The following CDIN1 variants were observed in gnomAD, a reference collection of about 807,000 sequenced individuals.
The protein encoded by CDIN1 is CDAN1 interacting nuclease 1, also known as CDAN1-interacting nuclease 1.
CDIN1 carries 33 observed loss-of-function variants against 45.3 expected under a neutral mutation model. That is an observed-to-expected ratio of 0.73 (90% CI 0.55 to 0.97). The LOEUF (loss-of-function observed/expected upper bound fraction) is 0.97. Ranked by LOEUF, CDIN1 falls within the 50% of genes least tolerant of loss-of-function variation. The pLI, the probability that CDIN1 is intolerant of heterozygous loss-of-function variation, is 0.00. For synonymous variants in CDIN1, 118 were observed against 124.4 expected (o/e 0.95, Z 0.34); for missense variants, 303 against 339.4 (o/e 0.89, Z 0.84).
At chr15:36,701,279 A>G (rs534465926) in intron 8 of CDIN1, among the ~76,000 whole-genome samples, 1 of 152,158 alleles carries the variant, frequency 6.6e-6, no homozygotes, top group Admixed American at 6.5e-5. Flanking sequence ...AAGCATTGTG[A>G]TCATCCCATT....
chr15:36,652,064 C>T (rs1029880982), intron 3 of CDIN1, among the ~76,000 whole-genome samples: 2 of 152,198 alleles, frequency 1.3e-5, no homozygotes, highest in African/African-American at 2.4e-5. Context: ...CAGCTCTCAC[C>T]ATGGCATGCT....
At chr15:36,726,475 C>T (rs992340217) in intron 10 of CDIN1, among the ~76,000 whole-genome samples, 1 of 152,148 alleles carries the variant, frequency 6.6e-6, no homozygotes, top group Non-Finnish European at 1.5e-5. Context: ...GTGGCCACCC[C>T]CACACACCTT....
At chr15:36,642,278 A>T (rs1405643148) in intron 1 of CDIN1, among the ~76,000 whole-genome samples, 8 of 152,218 alleles carry the variant, frequency 5.3e-5, no homozygotes, top group Admixed American at 5.2e-4. Context: ...CACATACAGA[A>T]ACAGATAGTT....
At chr15:36,746,685 A>ACACACACACACC (rs1322928410) in intron 10 of CDIN1, among the ~76,000 whole-genome samples, 1 of 150,392 alleles carries the variant, frequency 6.6e-6, no homozygotes, top group Non-Finnish European at 1.5e-5. Flanking sequence ...ACACACACAC[A>ACACACACACACC]CACACACACA....
At chr15:36,771,854 G>A (rs1177943325) in intron 10 of CDIN1, among the ~76,000 whole-genome samples, 1 of 151,908 alleles carries the variant, frequency 6.6e-6, no homozygotes, top group East Asian at 1.9e-4. Flanking sequence ...CTTGAACCAG[G>A]GAGGCGGAGG....
Position 36,808,573 on chromosome 15 carries a change from C to G in CDIN1, c.*120C>G, listed in dbSNP as rs774728959. 3 of 1,300,326 alleles carry G rather than the reference C, an allele frequency of 2.3e-6. No individual in the cohort carries two copies. Among genetic ancestry groups the G allele is most frequent in the Non-Finnish European group, 3.2e-6 (3 of 944,926 alleles). The allele number at this position is 1,300,326 out of a possible 1,614,324, so 80.5% of individuals were successfully genotyped here. A position where few individuals can be genotyped will look rare whatever the true frequency, so the allele number is the denominator to read the frequency against. ...GAACTTCAGCTGAACTCTTGCTGCCCGTAGTCACACCACTACCTCTTTAGA... is the reference window on the plus strand; with the variant it reads ...GAACTTCAGCTGAACTCTTGCTGCCGGTAGTCACACCACTACCTCTTTAGA... On this transcript the variant is annotated 3_prime_UTR_variant, in exon 11 of 11. Coordinates refer to ENST00000566621, the MANE Select transcript of CDIN1 (RefSeq NM_001321759.2).
At chr15:36,597,080 T>C (rs2037870592) in intron 1 of CDIN1, among the ~76,000 whole-genome samples, 1 of 152,206 alleles carries the variant, frequency 6.6e-6, no homozygotes, top group Non-Finnish European at 1.5e-5. Flanking sequence ...GGACCTGATA[T>C]ATGCCCCTAA....
chr15:36,672,147 AT>A (rs143892472), intron 5 of CDIN1, among the ~76,000 whole-genome samples: 147 of 149,164 alleles, frequency 9.9e-4, no homozygotes, highest in South Asian at 6.5e-3. Flanking sequence ...TTCACTTAGC[AT>A]TTTTTTTTTG....
At chr15:36,717,926 ATAAAT>A (rs2043270156) in intron 10 of CDIN1, among the ~76,000 whole-genome samples, 1 of 152,092 alleles carries the variant, frequency 6.6e-6, no homozygotes, top group African/African-American at 2.4e-5. Context: ...TTTTCTAATG[ATAAAT>A]TATATTGAGA....
chr15:36,656,413 C>T (rs1196018132), intron 4 of CDIN1, among the ~76,000 whole-genome samples: 1 of 152,058 alleles, frequency 6.6e-6, no homozygotes, highest in Admixed American at 6.5e-5. Context: ...TGTCTTCATA[C>T]TACTTTTCCA....
At chr15:36,581,317 C>T (rs1293781912) in intron 1 of CDIN1, among the ~76,000 whole-genome samples, 1 of 152,096 alleles carries the variant, frequency 6.6e-6, no homozygotes, top group Non-Finnish European at 1.5e-5. Context: ...CTCTTCCTCT[C>T]CCTCTTTTTC....
At chr15:36,652,844 A>G (rs1034201150) in intron 3 of CDIN1, among the ~76,000 whole-genome samples, 1 of 152,210 alleles carries the variant, frequency 6.6e-6, no homozygotes, top group Non-Finnish European at 1.5e-5. Flanking sequence ...TGGCAGTTAT[A>G]TGGAAGACCT....
intron 1 of CDIN1, among the ~76,000 whole-genome samples, chr15:36,632,683 T>A (rs928376807): frequency 7.9e-5 from 12 of 152,190 alleles, no homozygotes; most frequent in African/African-American, 2.9e-4. Flanking sequence ...ATTGTCAGTT[T>A]ATTTTATAGA....
intron 10 of CDIN1, among the ~76,000 whole-genome samples, chr15:36,769,716 A>G (rs983176579): frequency 3.3e-5 from 5 of 152,148 alleles, no homozygotes; most frequent in African/African-American, 1.2e-4. Context: ...ACCTTCCTCA[A>G]GGTGACACCA....
chr15:36,610,006 A>T (rs2038572230), intron 1 of CDIN1, among the ~76,000 whole-genome samples: 1 of 152,252 alleles, frequency 6.6e-6, no homozygotes, highest in Non-Finnish European at 1.5e-5. Flanking sequence ...TAGCTCTCTG[A>T]CATATCAAAG....
chr15:36,637,225 CCTT>C (rs1182753388), intron 1 of CDIN1, among the ~76,000 whole-genome samples: 2 of 152,258 alleles, frequency 1.3e-5, no homozygotes, highest in African/African-American at 2.4e-5. Context: ...GTGATCCCCT[CCTT>C]AACACACAAA....
rs188788626 is a variant in CDIN1 at position 36,752,186 on chromosome 15, A to G, written c.716+42225A>G. Among the ~76,000 whole-genome samples, 246 of 152,356 alleles carry G rather than the reference A, an allele frequency of 1.6e-3. 1 individual carries two copies. The highest frequency in any genetic ancestry group is 5.6e-3 in the African/African-American group (232 of 41,586). ...TGATGAATAAAAATGATTTACCTTCATTTAAATAGCTTAGATTCTGTTGCC... is the reference window on the plus strand; with the variant it reads ...TGATGAATAAAAATGATTTACCTTCGTTTAAATAGCTTAGATTCTGTTGCC... On this transcript the variant is annotated intron_variant, in intron 10 of 10. Coordinates refer to ENST00000566621, the MANE Select transcript of CDIN1 (RefSeq NM_001321759.2).
chr15:36,763,906 GTGAATGT>G (rs2053842259), intron 10 of CDIN1, among the ~76,000 whole-genome samples: 1 of 152,084 alleles, frequency 6.6e-6, no homozygotes, highest in South Asian at 2.1e-4. Flanking sequence ...TATATACATA[GTGAATGT>G]CCACATTCAG....
chr15:36,791,361 C>A (rs1247837580), intron 10 of CDIN1, among the ~76,000 whole-genome samples: 1 of 152,178 alleles, frequency 6.6e-6, no homozygotes, highest in African/African-American at 2.4e-5. Flanking sequence ...GCCTGCATAG[C>A]ACAAACTATC....
Sources: gnomAD v4.1 joint callset for allele counts (sites outside exome capture counted in the v4.1 genomes callset) on GRCh38, gnomAD v4.1.1 for gene constraint, MANE v1.5 for transcripts, NCBI Gene and HGNC (gene_info 2026-07-23, HGNC 2026-07-21) for gene names.